The following ZNF850 variants were observed in gnomAD, a reference collection of about 807,000 sequenced individuals.
ZNF850 encodes the protein putative zinc finger protein ENSP00000330994.
Under a neutral mutation model 11.9 loss-of-function variants are expected in ZNF850, and 2 were observed. The ratio of observed to expected loss-of-function variants is 0.17; its 90% CI spans 0.07 to 0.53. The LOEUF (loss-of-function observed/expected upper bound fraction) is 0.53, where lower values mean the gene tolerates loss of function less well. Among genes scored for constraint, ZNF850 ranks in the 20% least tolerant of loss-of-function variants. ZNF850 has a pLI of 0.94. For missense variants in ZNF850, 1,014 were observed against 1,316.4 expected, an observed-to-expected ratio of 0.77 and a Z score of 3.55; for synonymous variants, 381 against 443.0, an observed-to-expected ratio of 0.86 and a Z score of 1.76.
At chr19:36,765,582 AT>A (rs371481745) in intron 1 of ZNF850, among the ~76,000 whole-genome samples, 32,074 of 124,108 alleles carry the variant, frequency 0.26, 3,205 homozygotes, top group Non-Finnish European at 0.31. Context: ...CAAAGTAAAG[AT>A]TTTTTTTTTT....
At chr19:36,754,096 G>A (rs1457311615) in intron 4 of ZNF850, among the ~76,000 whole-genome samples, 1 of 151,166 alleles carries the variant, frequency 6.6e-6, no homozygotes, top group Non-Finnish European at 1.5e-5. Context: ...TTGAGCCTAG[G>A]GGGTTGAGGC....
At chr19:36,753,281 A>C (rs1464806078) in intron 4 of ZNF850, among the ~76,000 whole-genome samples, 1 of 149,108 alleles carries the variant, frequency 6.7e-6, no homozygotes, top group Non-Finnish European at 1.5e-5. Context: ...GAAAAAAAAA[A>C]AAAAAAAAAA....
At chr19:36,766,274 T>C (rs1356831969) in intron 1 of ZNF850, among the ~76,000 whole-genome samples, 1 of 152,020 alleles carries the variant, frequency 6.6e-6, no homozygotes, top group Non-Finnish European at 1.5e-5. Context: ...AATGTCTTGT[T>C]GGTAGATATA....
chr19:36,768,733 T>C (rs541301101), intron 1 of ZNF850, among the ~76,000 whole-genome samples: 1 of 151,396 alleles, frequency 6.6e-6, no homozygotes, highest in South Asian at 2.1e-4. Context: ...GAGGCTCAGG[T>C]TGGAAGATTG....
rs1306528720 is a variant in ZNF850 at position 36,762,727 on chromosome 19, GA to G, written c.-69-53del. On this transcript the variant is annotated intron_variant, in intron 1 of 4. Coordinates refer to ENST00000591344, the MANE Select transcript of ZNF850 (RefSeq NM_001193552.2). ...TATTATTTCCCAAATAAATGAACTA[GA>G]GTACAAAAGCACACAGCAAGCTGTA... The G allele has an allele frequency of 1.1e-5, 12 of 1,080,970 alleles. No homozygotes were observed. The East Asian group carries it at 3.1e-4, about 28-fold the overall frequency. The allele number at this position is 1,080,970 out of a possible 1,614,324, so 67.0% of individuals were successfully genotyped here.
At chr19:36,751,321 CA>C (rs1334733487) in intron 4 of ZNF850, among the ~76,000 whole-genome samples, 3 of 151,836 alleles carry the variant, frequency 2.0e-5, no homozygotes, top group Non-Finnish European at 4.4e-5. Context: ...GCTGTCAAAG[CA>C]AAGAGGAGCC....
intron 1 of ZNF850, among the ~76,000 whole-genome samples, chr19:36,767,358 A>G (rs964160139): frequency 1.3e-5 from 2 of 152,048 alleles, no homozygotes; most frequent in Admixed American, 1.3e-4. Flanking sequence ...GGAGTTCCAG[A>G]CCAGCCTGGC....
Position 36,748,754 on chromosome 19 carries a change from A to G in ZNF850, c.2286T>C (p.Cys762=). The G allele has an allele frequency of 6.5e-7, 1 of 1,548,726 alleles. No homozygotes were observed. Among genetic ancestry groups the G allele is most frequent in the East Asian group, 2.4e-5 (1 of 41,614 alleles). The stretch of plus-strand genomic sequence containing the variant: ...TTGAGTGAGAAGTAAAAGATTTCCC[A>G]CATTCCTTACAATCATAGGGTTTCT... ...TGEKPYDCKE[C]GKSFTSHSTL... Residue 762 remains cysteine (C), a synonymous_variant, in exon 5 of 5, where the codon TGT becomes TGC. Coordinates refer to ENST00000591344, the MANE Select transcript of ZNF850 (RefSeq NM_001193552.2).
chr19:36,761,402 G>A (rs1205764179), intron 4 of ZNF850, among the ~76,000 whole-genome samples: 1 of 152,014 alleles, frequency 6.6e-6, no homozygotes, highest in African/African-American at 2.4e-5. Flanking sequence ...TCATGCCACT[G>A]CACTCCAGCC....
intron 1 of ZNF850, among the ~76,000 whole-genome samples, chr19:36,768,221 T>G (rs761152742): frequency 2.0e-5 from 3 of 151,216 alleles, no homozygotes; most frequent in African/African-American, 7.3e-5. Context: ...AAAAAAAAAC[T>G]ATAATATAGA....
chr19:36,753,255 C>T (rs1204235419), intron 4 of ZNF850, among the ~76,000 whole-genome samples: 2 of 118,826 alleles, frequency 1.7e-5, no homozygotes, highest in Admixed American at 1.0e-4. Flanking sequence ...GGCGACAGAG[C>T]GAGACTTCAT....
chr19:36,746,345 T>C lies in ZNF850; in HGVS notation c.*1422A>G, dbSNP rs1008241898. ...TGTCCATATAAGACAGCAAACTTAA[T>C]TGATAAACATGGTGTGTGTTCTGAC... On this transcript the variant is annotated 3_prime_UTR_variant, in exon 5 of 5. Transcript: ENST00000591344. 5 of 152,218 alleles carry C rather than the reference T, an allele frequency of 3.3e-5. No homozygotes were observed. The highest frequency in any genetic ancestry group is 5.9e-5 in the Non-Finnish European group (4 of 68,052). 9.4% of individuals were successfully genotyped at this position (152,218 alleles called of 1,614,324 possible).
At chr19:36,755,798 T>C (rs547481100) in intron 4 of ZNF850, among the ~76,000 whole-genome samples, 22 of 150,990 alleles carry the variant, frequency 1.5e-4, no homozygotes, top group Non-Finnish European at 2.8e-4. Context: ...CAAATACTAA[T>C]ATTAAAGAGA....
intron 2 of ZNF850, 60 bp from the exon 3 acceptor site, chr19:36,762,491 G>T (rs2040525384): frequency 6.5e-6 from 10 of 1,530,502 alleles, no homozygotes; most frequent in Middle Eastern, 1.7e-4. Flanking sequence ...TAAGATGAAG[G>T]AAGAGATGGA....
intron 1 of ZNF850, among the ~76,000 whole-genome samples, chr19:36,764,202 G>A (rs2040536173): frequency 6.6e-6 from 1 of 152,176 alleles, no homozygotes; most frequent in Admixed American, 6.6e-5. Flanking sequence ...CCAAGGTCAT[G>A]CCACTGCATT....
rs985429346 is a variant in ZNF850 at position 36,772,461 on chromosome 19, CAA to C, written c.-70+262_-70+263del. Among the ~76,000 whole-genome samples the C allele has an allele frequency of 7.4e-4, 113 of 152,276 alleles. 2 individuals are homozygous for C. Among genetic ancestry groups the C allele is most frequent in the Admixed American group, 4.4e-3 (67 of 15,288 alleles). Reference sequence around the variant, plus strand: ...GCACACAAGGTACTGCACAGACACGCAAAGTCACACACCCACCCCGGGACACG... The same window carrying C: ...GCACACAAGGTACTGCACAGACACGCAGTCACACACCCACCCCGGGACACG... On this transcript the variant is annotated intron_variant, in intron 1 of 4. Coordinates refer to ENST00000591344, the MANE Select transcript of ZNF850 (RefSeq NM_001193552.2).
At chr19:36,763,583 C>T (rs1355287692) in intron 1 of ZNF850, among the ~76,000 whole-genome samples, 2 of 151,850 alleles carry the variant, frequency 1.3e-5, no homozygotes, top group African/African-American at 4.8e-5. Context: ...ACCTCTAATG[C>T]ACTTCACTAA....
At position 36,750,437 on chromosome 19, in the gene ZNF850, C is replaced by T. The variant is rs1237773992; in HGVS notation, c.603G>A (p.Glu201=). 6.5e-7 allele frequency: 1 copy of T among 1,536,648 alleles called. No individual in the cohort carries two copies. The highest frequency in any genetic ancestry group is 8.7e-7 in the Non-Finnish European group (1 of 1,146,984). ...AAAAGTGATGAAAGGCCTTCCCACA[C>T]TCCTTACATTTATAGAGTTTTTCAC... is the stretch of plus-strand genomic sequence containing the variant. ...HTGEKLYKCK[E]CGKAFHHFSY... The change falls in exon 5 of 5, where the codon GAG becomes GAA. Residue 201 remains glutamate, a synonymous_variant. Transcript: ENST00000591344.
chr19:36,759,551 G>C (rs549958011), intron 4 of ZNF850, among the ~76,000 whole-genome samples: 2 of 152,208 alleles, frequency 1.3e-5, no homozygotes, highest in South Asian at 4.1e-4. Flanking sequence ...TCCAGGACTT[G>C]CTTTAGTTAA....
Sources: allele counts gnomAD v4.1 joint callset (sites outside exome capture counted in the v4.1 genomes callset), GRCh38; gene constraint gnomAD v4.1.1; transcripts MANE v1.5; gene names NCBI Gene and HGNC (gene_info 2026-07-23, HGNC 2026-07-21).